CSMD3: variants seen among roughly 807,000 people sequenced by gnomAD.
The protein encoded by CSMD3 is CUB and Sushi multiple domains 3.
CSMD3 carries 177 observed loss-of-function variants against 435.2 expected under a neutral mutation model. The ratio of observed to expected loss-of-function variants is 0.41; its 90% CI spans 0.36 to 0.46. The LOEUF is 0.46. Among genes scored for constraint, CSMD3 ranks in the 20% least tolerant of loss-of-function variants. The pLI is 0.34. For missense variants in CSMD3, 4,265 were observed against 4,504.6 expected (o/e 0.95, Z 1.52); for synonymous variants, 1,656 against 1,520.5 (o/e 1.09, Z -2.07).
At chr8:113,128,173 T>A (rs537130369) in intron 4 of CSMD3, among the ~76,000 whole-genome samples, 1 of 152,068 alleles carries the variant, frequency 6.6e-6, no homozygotes, top group African/African-American at 2.4e-5. Context: ...TTCTGCCCCA[T>A]GAAGGTGGGA....
chr8:112,822,825 T>C (rs966027234), intron 12 of CSMD3, among the ~76,000 whole-genome samples: 2 of 152,256 alleles, frequency 1.3e-5, no homozygotes, highest in South Asian at 2.1e-4. Context: ...ATACCTAGTT[T>C]ATTGAGTTTT....
At chr8:112,595,250 G>A (rs1250564395) in intron 22 of CSMD3, among the ~76,000 whole-genome samples, 1 of 151,958 alleles carries the variant, frequency 6.6e-6, no homozygotes. Context: ...CGATCAACTG[G>A]AAGAAAGGGT....
chr8:112,896,006 C>T (rs1419937163), intron 10 of CSMD3, among the ~76,000 whole-genome samples: 1 of 151,446 alleles, frequency 6.6e-6, no homozygotes, highest in Non-Finnish European at 1.5e-5. Context: ...GTTATCTGTA[C>T]TGGTTTTAAA....
At chr8:112,636,698 A>G in intron 22 of CSMD3, 119 bp downstream of exon 22, 1 of 894,154 alleles carries the variant, frequency 1.1e-6, no homozygotes, top group Non-Finnish European at 1.8e-6. Context: ...AAAAGTTGAA[A>G]TAATTAATGT....
intron 5 of CSMD3, among the ~76,000 whole-genome samples, chr8:113,086,952 G>A (rs1356020782): frequency 6.6e-6 from 1 of 152,158 alleles, no homozygotes; most frequent in Non-Finnish European, 1.5e-5. Flanking sequence ...TAACCTAGGT[G>A]TCAGCTAAGT....
intron 32 of CSMD3, among the ~76,000 whole-genome samples, chr8:112,430,200 T>C (rs1315219699): frequency 1.3e-5 from 2 of 151,986 alleles, no homozygotes; most frequent in Non-Finnish European, 2.9e-5. Context: ...TTCCCTATTA[T>C]TACTCTCTTT....
intron 59 of CSMD3, among the ~76,000 whole-genome samples, chr8:112,266,724 TA>T (rs1229217866): frequency 1.3e-5 from 2 of 152,152 alleles, no homozygotes; most frequent in Non-Finnish European, 2.9e-5. Flanking sequence ...ACAATTTCAT[TA>T]AAAATGTATT....
intron 12 of CSMD3, among the ~76,000 whole-genome samples, chr8:112,811,878 C>G (rs1440487775): frequency 1.3e-5 from 2 of 152,162 alleles, no homozygotes; most frequent in Admixed American, 1.3e-4. Context: ...CAGTTCTTCT[C>G]AGCTCCCTCT....
chr8:112,714,398 C>A (rs1227386868), intron 13 of CSMD3, among the ~76,000 whole-genome samples: 2 of 152,044 alleles, frequency 1.3e-5, no homozygotes, highest in East Asian at 3.9e-4. Context: ...TATATGTACC[C>A]AATACAGGAG....
intron 30 of CSMD3, among the ~76,000 whole-genome samples, chr8:112,501,758 A>G (rs138124057): frequency 2.0e-5 from 3 of 152,224 alleles, no homozygotes; most frequent in Non-Finnish European, 1.5e-5. Context: ...TTTCATCGTC[A>G]TTCATTTCTG....
At chr8:113,110,077 G>A (rs573574228) in intron 4 of CSMD3, among the ~76,000 whole-genome samples, 3 of 152,218 alleles carry the variant, frequency 2.0e-5, no homozygotes, top group African/African-American at 7.2e-5. Flanking sequence ...TGATGGGAAT[G>A]GCAGCCCCAT....
chr8:112,232,088 C>T (rs1813142262), intron 68 of CSMD3, among the ~76,000 whole-genome samples: 1 of 152,050 alleles, frequency 6.6e-6, no homozygotes, highest in South Asian at 2.1e-4. Flanking sequence ...TTGGGATTGA[C>T]AATAGTTAAG....
chr8:112,262,637 T>C (rs1816531252), intron 61 of CSMD3, among the ~76,000 whole-genome samples: 1 of 151,968 alleles, frequency 6.6e-6, no homozygotes, highest in Non-Finnish European at 1.5e-5. Context: ...AAATTTTTTG[T>C]AAAAAGCTGA....
chr8:113,129,981 A>G (rs1414097894), intron 4 of CSMD3, among the ~76,000 whole-genome samples: 1 of 151,866 alleles, frequency 6.6e-6, no homozygotes, highest in Admixed American at 6.6e-5. Context: ...TTACATATAT[A>G]TATAATAGCA....
At chr8:112,827,848 A>C (rs1362388603) in intron 12 of CSMD3, among the ~76,000 whole-genome samples, 1 of 152,214 alleles carries the variant, frequency 6.6e-6, no homozygotes, top group African/African-American at 2.4e-5. Context: ...GGCCCTCTCC[A>C]TAGGAGGCAG....
chr8:113,019,617 T>C (rs1194783447), intron 5 of CSMD3, among the ~76,000 whole-genome samples: 1 of 150,850 alleles, frequency 6.6e-6, no homozygotes, highest in African/African-American at 2.4e-5. Flanking sequence ...ATTGAGCTGA[T>C]GGTGCTAGTC....
At chr8:112,415,292 T>C (rs1811788368) in intron 32 of CSMD3, among the ~76,000 whole-genome samples, 1 of 152,244 alleles carries the variant, frequency 6.6e-6, no homozygotes, top group Admixed American at 6.5e-5. Context: ...GGAACCAAGG[T>C]ACAGCTTGAG....
chr8:112,231,365 G>T (rs974488571), intron 69 of CSMD3, among the ~76,000 whole-genome samples, 180 bp downstream of exon 69: 11 of 152,124 alleles, frequency 7.2e-5, no homozygotes, highest in African/African-American at 2.7e-4. Context: ...GGTACATAAA[G>T]ATCCAGTATT....
chr8:112,539,210 T>C (rs1003631803), intron 27 of CSMD3: 2 of 152,884 alleles, frequency 1.3e-5, no homozygotes, highest in African/African-American at 2.4e-5. Context: ...TAACACTGAA[T>C]TGGGTACAGC....
Sources: gnomAD v4.1 joint callset for allele counts (sites outside exome capture counted in the v4.1 genomes callset) on GRCh38, gnomAD v4.1.1 for gene constraint, MANE v1.5 for transcripts, NCBI Gene and HGNC (gene_info 2026-07-23, HGNC 2026-07-21) for gene names.